Variants in TENM2 observed in about 807,000 individuals in gnomAD.
The protein encoded by TENM2 is teneurin transmembrane protein 2.
A neutral mutation model predicts 245.2 loss-of-function variants in TENM2; 52 were observed. That is an observed-to-expected ratio of 0.21 (90% CI 0.17 to 0.27). The LOEUF is 0.27. TENM2 is among the 10% of genes least tolerant of loss of function. The pLI is 1.00. For missense variants in TENM2, 3,046 were observed against 3,666.8 expected (o/e 0.83, Z 4.37); for synonymous variants, 1,363 against 1,438.9 (o/e 0.95, Z 1.19).
intron 5 of TENM2, among the ~76,000 whole-genome samples, chr5:167,999,505 G>A (rs1784278559): frequency 6.6e-6 from 1 of 152,192 alleles, no homozygotes; most frequent in Non-Finnish European, 1.5e-5. Context: ...ATTTCAGAGG[G>A]CCTGTCAATT....
the TENM2 span, among the ~76,000 whole-genome samples, chr5:167,067,289 T>G: frequency 6.6e-6 from 1 of 152,340 alleles, no homozygotes; most frequent in African/African-American, 2.4e-5. Context: ...GTAATATTTC[T>G]AAACTTTTGC....
intron 5 of TENM2, among the ~76,000 whole-genome samples, chr5:168,003,345 ACC>A (rs59630722): frequency 0.27 from 20,171 of 73,538 alleles, 2,038 homozygotes; most frequent in East Asian, 0.59. Flanking sequence ...ACACACACAC[ACC>A]CCCAAAGCTG....
chr5:167,731,418 A>G (rs1760428944), intron 2 of TENM2, among the ~76,000 whole-genome samples: 1 of 152,052 alleles, frequency 6.6e-6, no homozygotes, highest in Non-Finnish European at 1.5e-5. Flanking sequence ...GCTTTTTGAG[A>G]TCTAAACCAG....
At chr5:167,244,221 T>C in the TENM2 span, among the ~76,000 whole-genome samples, 1 of 152,220 alleles carries the variant, frequency 6.6e-6, no homozygotes, top group African/African-American at 2.4e-5. Context: ...AAGATATTTC[T>C]CTTTTTACAT....
At chr5:167,223,655 A>C in the TENM2 span, among the ~76,000 whole-genome samples, 2 of 152,122 alleles carry the variant, frequency 1.3e-5, no homozygotes, top group African/African-American at 4.8e-5. Context: ...TGCAATAAAC[A>C]TGCTGGCGTC....
the TENM2 span, among the ~76,000 whole-genome samples, chr5:167,264,734 C>T: frequency 1.5e-4 from 23 of 152,166 alleles, no homozygotes; most frequent in Non-Finnish European, 1.9e-4. Flanking sequence ...TTTTGTCCAA[C>T]CAGGCCATGT....
chr5:166,998,881 C>G, the TENM2 span, among the ~76,000 whole-genome samples: 1 of 151,904 alleles, frequency 6.6e-6, no homozygotes, highest in African/African-American at 2.4e-5. Context: ...TGAAATATGT[C>G]TATACTTTGC....
intron 2 of TENM2, among the ~76,000 whole-genome samples, chr5:167,662,778 G>T (rs973234368): frequency 4.6e-5 from 7 of 152,056 alleles, no homozygotes; most frequent in Admixed American, 1.3e-4. Flanking sequence ...GCTACTCAAA[G>T]TGTGGTCTAT....
intron 2 of TENM2, among the ~76,000 whole-genome samples, chr5:167,580,109 G>T (rs944568704): frequency 1.3e-5 from 2 of 152,180 alleles, no homozygotes; most frequent in Non-Finnish European, 2.9e-5. Context: ...ATTATCCAGG[G>T]TTTGAATTTC....
rs113643385 is a variant in TENM2, at chr5:168,200,465, G to A, written c.3430+334G>A. ...GCATTTAAGCAGAGACTAATGACAA[G>A]AAGGAACCACATGAAAATCAGAAGA... On this transcript the variant is annotated intron_variant, in intron 17 of 28. Transcript: ENST00000518659. 6.4e-3 allele frequency among the ~76,000 whole-genome samples: 972 copies of A among 152,322 alleles called. 12 individuals carry two copies. Among genetic ancestry groups the A allele is most frequent in the African/African-American group, 0.022 (928 of 41,572 alleles).
At chr5:167,199,379 G>A in the TENM2 span, among the ~76,000 whole-genome samples, 1 of 152,002 alleles carries the variant, frequency 6.6e-6, no homozygotes, top group Non-Finnish European at 1.5e-5. Context: ...TCTTTTTCCT[G>A]GAGAGAAGGA....
At chr5:166,990,300 G>A in the TENM2 span, among the ~76,000 whole-genome samples, 1 of 152,032 alleles carries the variant, frequency 6.6e-6, no homozygotes. Flanking sequence ...TCTTCAATTC[G>A]AAATTAATAT....
intron 2 of TENM2, among the ~76,000 whole-genome samples, chr5:167,570,734 A>G (rs1774214960): frequency 6.6e-6 from 1 of 152,218 alleles, no homozygotes; most frequent in Non-Finnish European, 1.5e-5. Context: ...TTGAAGAATT[A>G]TTGCAACTGT....
At chr5:167,876,248 T>G (rs192958776) in intron 3 of TENM2, 53 bp downstream of exon 5, 2 of 1,412,370 alleles carry the variant, frequency 1.4e-6, no homozygotes, top group African/African-American at 1.4e-5. Flanking sequence ...GTGACATTCT[T>G]GATTCTCCAC....
At chr5:167,888,068 AT>A (rs1167618837) in intron 3 of TENM2, among the ~76,000 whole-genome samples, 1 of 152,186 alleles carries the variant, frequency 6.6e-6, no homozygotes, top group Non-Finnish European at 1.5e-5. Context: ...ATAATTGTGG[AT>A]AAATTTATTT....
At chr5:167,268,601 T>C in the TENM2 span, among the ~76,000 whole-genome samples, 2 of 152,180 alleles carry the variant, frequency 1.3e-5, no homozygotes, top group Non-Finnish European at 2.9e-5. Context: ...GCTTTTGTTA[T>C]GTACATAATA....
At chr5:167,445,369 A>AGTGAGAGAGT in intron 2 of TENM2, among the ~76,000 whole-genome samples, 1 of 98,604 alleles carries the variant, frequency 1.0e-5, no homozygotes, top group East Asian at 4.1e-4. Context: ...AGAGAGAGAG[A>AGTGAGAGAGT]GTGTCAGGTG....
At chr5:167,925,923 G>A (rs1255507198) in intron 3 of TENM2, among the ~76,000 whole-genome samples, 3 of 152,116 alleles carry the variant, frequency 2.0e-5, no homozygotes, top group African/African-American at 4.8e-5. Context: ...TGAACACAAC[G>A]AAGGAAACAA....
intron 9 of TENM2, among the ~76,000 whole-genome samples, chr5:168,116,785 A>C (rs1703034006): frequency 6.6e-6 from 1 of 152,186 alleles, no homozygotes; most frequent in South Asian, 2.1e-4. Context: ...TGGGTGGGGC[A>C]GGTGACTAGG....
Sources: allele counts gnomAD v4.1 joint callset (sites outside exome capture counted in the v4.1 genomes callset), GRCh38; gene constraint gnomAD v4.1.1; transcripts MANE v1.5; gene names NCBI Gene and HGNC (gene_info 2026-07-23, HGNC 2026-07-21).